Variants in GPD2 observed in about 807,000 individuals in gnomAD.
GPD2 encodes the protein glycerol-3-phosphate dehydrogenase 2.
In GPD2, 54 loss-of-function variants were observed where a neutral mutation model predicts 82.4. The observed-to-expected ratio is 0.66, with a 90% CI of 0.53 to 0.82. The LOEUF is 0.82. GPD2 is among the 40% of genes least tolerant of loss of function. The pLI is 0.00. For missense variants in GPD2, 748 were observed against 896.2 expected (o/e 0.83, Z 2.11); for synonymous variants, 288 against 306.1 (o/e 0.94, Z 0.62).
chr2:156,560,541 G>A (rs780071622), intron 9 of GPD2, among the ~76,000 whole-genome samples: 1 of 152,116 alleles, frequency 6.6e-6, no homozygotes, highest in East Asian at 1.9e-4. Context: ...CCTGTGTGCG[G>A]CACCTGTCAC....
At chr2:156,420,796 A>C in the GPD2 span, among the ~76,000 whole-genome samples, 1 of 152,170 alleles carries the variant, frequency 6.6e-6, no homozygotes, top group Non-Finnish European at 1.5e-5. Context: ...TTCTCATTAC[A>C]TCTCCTGGAA....
chr2:156,567,322 T>C (rs1228068309), intron 9 of GPD2, among the ~76,000 whole-genome samples: 1 of 152,148 alleles, frequency 6.6e-6, no homozygotes, highest in Non-Finnish European at 1.5e-5. Flanking sequence ...CTGAGTTTTA[T>C]AGTTTTAGCT....
chr2:156,488,207 T>C lies in GPD2; in HGVS notation c.103-7837T>C, dbSNP rs570420886. ...CACTGAGAAATGTTGCTTACTCTCA[T>C]GTAAGTGCAGGAAAAAAAATGTCAG... On this transcript the variant is annotated intron_variant, in intron 2 of 16. Coordinates refer to ENST00000438166, the MANE Select transcript of GPD2 (RefSeq NM_000408.5). 2.0e-5 allele frequency among the ~76,000 whole-genome samples: 3 copies of C among 152,254 alleles called. No individual in the cohort carries two copies. The East Asian group carries it at 5.8e-4, about 29-fold the overall frequency.
Position 156,568,897 on chromosome 2 carries a change from C to A in GPD2, c.1238C>A (p.Thr413Asn), listed in dbSNP as rs1299567989. The A allele has an allele frequency of 1.2e-6, 2 of 1,611,084 alleles. No individual in the cohort carries two copies. The highest frequency in any genetic ancestry group is 1.7e-6 in the Non-Finnish European group (2 of 1,177,480). Residue 413 changes from threonine (T) to asparagine (N), a missense_variant, in exon 10 of 17, where the codon ACT (threonine) becomes AAT (asparagine). This residue lies in a region of GPD2 where 692 missense variants were observed against 809.7 expected (regional missense o/e 0.85). Coordinates refer to ENST00000438166, the MANE Select transcript of GPD2 (RefSeq NM_000408.5). Reference protein sequence around the residue: ...PLVTDPKSADTQSISRNHVVD... With the variant: ...PLVTDPKSADNQSISRNHVVD... Reference sequence around the variant, plus strand: ...GTTACAGACCCCAAATCTGCAGATACTCAGTCTATCTCCCGAAATCATGTT... The same window carrying A: ...GTTACAGACCCCAAATCTGCAGATAATCAGTCTATCTCCCGAAATCATGTT...
Position 156,496,221 on chromosome 2 carries a change from TC to T in GPD2, c.274+7del. Reference sequence around the variant, plus strand: ...GCTAGATGCTGTCACCAGAGGTAAGTCTTTTTTTTTTTTATTTTAATTTTAA... The same window carrying T: ...GCTAGATGCTGTCACCAGAGGTAAGTTTTTTTTTTTTTATTTTAATTTTAA... On this transcript the variant is annotated splice_region_variant and intron_variant, in intron 3 of 16. Transcript: ENST00000438166. The T allele has an allele frequency of 6.3e-7, 1 of 1,590,406 alleles. No individual in the cohort carries two copies. Among genetic ancestry groups the T allele is most frequent in the Non-Finnish European group, 8.6e-7 (1 of 1,161,010 alleles).
rs139357612 is a variant in GPD2 at position 156,576,764 on chromosome 2, G to A, written c.1768-2125G>A. Among the ~76,000 whole-genome samples, 20 of 152,338 alleles carry A rather than the reference G, an allele frequency of 1.3e-4. No homozygotes were observed. In the East Asian group the frequency reaches 3.3e-3, roughly 25 times the overall value. ...ATTCCATAATTCCTTGTTTGATGGAGTATAGATAAATTACACATGCAATGA... is the reference window on the plus strand; with the variant it reads ...ATTCCATAATTCCTTGTTTGATGGAATATAGATAAATTACACATGCAATGA... On this transcript the variant is annotated intron_variant, in intron 13 of 16. Coordinates refer to ENST00000438166, the MANE Select transcript of GPD2 (RefSeq NM_000408.5).
chr2:156,575,422 A>G (rs1291853235), intron 13 of GPD2, among the ~76,000 whole-genome samples: 2 of 70,814 alleles, frequency 2.8e-5, no homozygotes, highest in African/African-American at 1.1e-4. Flanking sequence ...TTTTTTTTTG[A>G]GACAAGGTCT....
At chr2:156,547,101 C>T (rs780648394) in intron 6 of GPD2, among the ~76,000 whole-genome samples, 18 of 152,200 alleles carry the variant, frequency 1.2e-4, no homozygotes, top group Non-Finnish European at 2.1e-4. Context: ...AGAGATCACC[C>T]TGTGTCTTTC....
chr2:156,462,738 G>C (rs1157734391), intron 1 of GPD2, among the ~76,000 whole-genome samples: 6 of 152,192 alleles, frequency 3.9e-5, no homozygotes, highest in African/African-American at 1.4e-4. Flanking sequence ...TCCCTGAAGA[G>C]TTAGAGCCAG....
intron 6 of GPD2, among the ~76,000 whole-genome samples, chr2:156,529,861 G>A (rs1250985128): frequency 3.9e-5 from 6 of 152,116 alleles, no homozygotes; most frequent in Admixed American, 6.5e-5. Flanking sequence ...ATAGTTTGAA[G>A]TCAGGTAGCG....
intron 1 of GPD2, among the ~76,000 whole-genome samples, chr2:156,471,825 A>G (rs1233875728): frequency 6.6e-6 from 1 of 152,238 alleles, no homozygotes; most frequent in East Asian, 1.9e-4. Context: ...ACACTTTGAT[A>G]TTTAATCCTA....
intron 1 of GPD2, among the ~76,000 whole-genome samples, chr2:156,451,233 G>T (rs62176569): frequency 2.7e-5 from 4 of 150,882 alleles, no homozygotes; most frequent in Admixed American, 6.6e-5. Context: ...CCTCCCAGTA[G>T]GGGTGGCCGG....
chr2:156,574,359 TG>T (rs1361319700), intron 13 of GPD2, among the ~76,000 whole-genome samples: 1 of 152,070 alleles, frequency 6.6e-6, no homozygotes, highest in Non-Finnish European at 1.5e-5. Flanking sequence ...ACCTTTAAAA[TG>T]GTTATGTATG....
intron 6 of GPD2, among the ~76,000 whole-genome samples, chr2:156,547,271 T>C (rs1370246476): frequency 6.6e-6 from 1 of 151,930 alleles, no homozygotes; most frequent in Non-Finnish European, 1.5e-5. Flanking sequence ...GTGAATAATT[T>C]TGCCCTGGAA....
the GPD2 span, among the ~76,000 whole-genome samples, chr2:156,422,241 G>C: frequency 6.6e-5 from 10 of 152,112 alleles, no homozygotes; most frequent in African/African-American, 2.4e-4. Flanking sequence ...TTATGCTCTT[G>C]TATGTGATGC....
chr2:156,525,061 A>G (rs1685555114), intron 6 of GPD2, among the ~76,000 whole-genome samples: 1 of 152,182 alleles, frequency 6.6e-6, no homozygotes, highest in South Asian at 2.1e-4. Context: ...TGTATATAGG[A>G]AAGTCTGGAT....
At chr2:156,429,322 A>G in the GPD2 span, among the ~76,000 whole-genome samples, 2 of 152,268 alleles carry the variant, frequency 1.3e-5, no homozygotes, top group Non-Finnish European at 2.9e-5. Context: ...AGCTCCCACA[A>G]CAGAACTTAA....
chr2:156,499,641 AGTGT>A (rs1236376956), intron 3 of GPD2, among the ~76,000 whole-genome samples: 4 of 151,970 alleles, frequency 2.6e-5, no homozygotes, highest in Non-Finnish European at 5.9e-5. Context: ...TCTTTTTTGC[AGTGT>A]GTTTCTTTCA....
intron 1 of GPD2, among the ~76,000 whole-genome samples, chr2:156,465,114 G>C (rs994060350): frequency 6.6e-6 from 1 of 152,200 alleles, no homozygotes; most frequent in Non-Finnish European, 1.5e-5. Context: ...GCCTCCCAGA[G>C]TGCTGGGATT....
Sources: gnomAD v4.1 joint callset for allele counts (sites outside exome capture counted in the v4.1 genomes callset) on GRCh38, gnomAD v4.1.1 for gene constraint, gnomAD v4.1.1 regional missense constraint, MANE v1.5 for transcripts, NCBI Gene and HGNC (gene_info 2026-07-23, HGNC 2026-07-21) for gene names.